SERINC5: variants seen among roughly 807,000 people sequenced by gnomAD.
SERINC5 encodes serine incorporator 5.
Under a neutral mutation model 63.1 loss-of-function variants are expected in SERINC5, and 41 were observed. The observed-to-expected ratio is 0.65, with a 90% CI of 0.51 to 0.84. SERINC5 has a LOEUF of 0.84. SERINC5 is among the 40% of genes least tolerant of loss of function. SERINC5 has a pLI of 0.00. For missense variants in SERINC5, 523 were observed against 573.0 expected, an observed-to-expected ratio of 0.91 and a Z score of 0.89; for synonymous variants, 222 against 215.2, an observed-to-expected ratio of 1.03 and a Z score of -0.28.
intron 1 of SERINC5, among the ~76,000 whole-genome samples, chr5:80,224,263 C>A (rs1751064249): frequency 6.6e-6 from 1 of 151,942 alleles, no homozygotes; most frequent in Admixed American, 6.6e-5. Context: ...GAGTTTGAGA[C>A]CACAGGAGTT....
rs1746967488 is a variant in SERINC5 at position 80,162,061 on chromosome 5, T to C, written c.860-3099A>G. 2.0e-5 allele frequency among the ~76,000 whole-genome samples: 3 copies of C among 152,350 alleles called. No individual in the cohort carries two copies. The South Asian group carries it at 6.2e-4, about 32-fold the overall frequency. On this transcript the variant is annotated intron_variant, in intron 7 of 11. Transcript: ENST00000507668. ...CTTCTGGGTTCTCTATGTGGTTCCA[T>C]GGATCTATTCTTATACAAATATCAT... is the stretch of plus-strand genomic sequence containing the variant.
At chr5:80,242,046 A>C (rs1751961863) in intron 1 of SERINC5, among the ~76,000 whole-genome samples, 1 of 152,084 alleles carries the variant, frequency 6.6e-6, no homozygotes, top group Non-Finnish European at 1.5e-5. Context: ...TAGGAGGATC[A>C]CTTGAGCCCA....
At chr5:80,248,358 G>A (rs533920767) in intron 1 of SERINC5, among the ~76,000 whole-genome samples, 56 of 152,160 alleles carry the variant, frequency 3.7e-4, no homozygotes, top group Non-Finnish European at 5.3e-4. Context: ...TGGCTCCTAA[G>A]TGACTAAGGG....
At chr5:80,135,483 C>CCCACATTCCTTG (rs1745129920), downstream of SERINC5, among the ~76,000 whole-genome samples, 1 of 152,144 alleles carries the variant, frequency 6.6e-6, no homozygotes, top group Admixed American at 6.5e-5. Context: ...TTATCTGCCT[C>CCCACATTCCTTG]CCACATTCCT....
rs552246864 is a variant in SERINC5, at chr5:80,131,357, T to C, written c.1238+14733A>G. Among the ~76,000 whole-genome samples, 3 of 152,324 alleles carry C rather than the reference T, an allele frequency of 2.0e-5. No homozygotes were observed. The South Asian group carries it at 6.2e-4, about 32-fold the overall frequency. On this transcript the variant is annotated intron_variant, in intron 11 of 12. Coordinates refer to the SERINC5 transcript ENST00000509193. ...TATGATTCTGAGGCCTCCCCAGCCA[T>C]GTGGAGCTGTGAATCAATTAAACCT...
At chr5:80,229,982 GT>G (rs1751366175) in intron 1 of SERINC5, among the ~76,000 whole-genome samples, 1 of 152,144 alleles carries the variant, frequency 6.6e-6, no homozygotes, top group Non-Finnish European at 1.5e-5. Context: ...TCTAAACCTA[GT>G]CACTCCAAAG....
In SERINC5 at chr5:80,142,957, G is replaced by T. The variant is rs1036293883; in HGVS notation, c.*706C>A. ...GTGATAATAAGGTGGGGAACCACCT[G>T]GGGGGTGATCAGACAAATTGTGCTT... On this transcript the variant is annotated 3_prime_UTR_variant, in exon 12 of 12. Coordinates refer to ENST00000507668, the MANE Select transcript of SERINC5 (RefSeq NM_001174072.3). 10 of 985,066 alleles carry T rather than the reference G, an allele frequency of 1.0e-5. No homozygotes were observed. The Middle Eastern group carries it at 1.5e-3, about 153-fold the overall frequency. The allele number at this position is 985,066 out of a possible 1,614,324, so 61.0% of individuals were successfully genotyped here.
At chr5:80,172,762 T>C (rs1348116283) in intron 5 of SERINC5, among the ~76,000 whole-genome samples, 1 of 152,184 alleles carries the variant, frequency 6.6e-6, no homozygotes, top group Admixed American at 6.5e-5. Flanking sequence ...GCATGAATTA[T>C]ACAGAAAAAG....
chr5:80,237,564 G>A lies in SERINC5; in HGVS notation c.27+18332C>T, dbSNP rs568203589. ...TGCCCAGGCTGGTATCGAATTCTTG[G>A]GCTCAAGTAATCCGCCCACCTCGGC... On this transcript the variant is annotated intron_variant, in intron 1 of 11. Coordinates refer to ENST00000507668, the MANE Select transcript of SERINC5 (RefSeq NM_001174072.3). Among the ~76,000 whole-genome samples the A allele has an allele frequency of 8.6e-5, 13 of 150,882 alleles. No individual in the cohort carries two copies. In the East Asian group the frequency reaches 2.6e-3, roughly 30 times the overall value.
intron 1 of SERINC5, among the ~76,000 whole-genome samples, chr5:80,215,766 G>T (rs556517046): frequency 6.6e-6 from 1 of 152,248 alleles, no homozygotes; most frequent in East Asian, 1.9e-4. Flanking sequence ...ACAGTCAAGG[G>T]TCAACTTAGT....
At chr5:80,213,425 T>G (rs1029794075) in intron 1 of SERINC5, among the ~76,000 whole-genome samples, 2 of 152,084 alleles carry the variant, frequency 1.3e-5, no homozygotes, top group East Asian at 3.8e-4. Flanking sequence ...CAGCTTAAGG[T>G]CACAGAGCCC....
intron 1 of SERINC5, among the ~76,000 whole-genome samples, chr5:80,245,436 T>C (rs562422059): frequency 3.2e-4 from 49 of 152,146 alleles, no homozygotes; most frequent in African/African-American, 1.1e-3. Flanking sequence ...AGATAAAAGG[T>C]GCAAAGCTGA....
chr5:80,160,038 G>C (rs1164036877), intron 7 of SERINC5, among the ~76,000 whole-genome samples: 1 of 152,188 alleles, frequency 6.6e-6, no homozygotes, highest in Admixed American at 6.5e-5. Flanking sequence ...GTAACTGTGG[G>C]AGCCCTAACA....
chr5:80,143,187 T>G lies in SERINC5; in HGVS notation c.*476A>C. 1 of 986,924 alleles carries G rather than the reference T, an allele frequency of 1.0e-6. No individual in the cohort carries two copies. Among genetic ancestry groups the G allele is most frequent in the Non-Finnish European group, 1.2e-6 (1 of 831,078 alleles). 61.1% of individuals were successfully genotyped at this position (986,924 alleles called of 1,614,324 possible). On this transcript the variant is annotated 3_prime_UTR_variant, in exon 12 of 12. Coordinates refer to ENST00000507668, the MANE Select transcript of SERINC5 (RefSeq NM_001174072.3). Reference sequence around the variant, plus strand: ...AATACCAGGGGCCCTGCAGGCTGAGTCCTGTCCTCAAAGCCCCCTGGGGAC... The same window carrying G: ...AATACCAGGGGCCCTGCAGGCTGAGGCCTGTCCTCAAAGCCCCCTGGGGAC...
intron 2 of SERINC5, among the ~76,000 whole-genome samples, chr5:80,180,292 T>C (rs1269695887): frequency 6.6e-6 from 1 of 152,154 alleles, no homozygotes; most frequent in Non-Finnish European, 1.5e-5. Flanking sequence ...TGAACACTCT[T>C]CTGAACAGAA....
chr5:80,246,474 T>G (rs1331603318), intron 1 of SERINC5, among the ~76,000 whole-genome samples: 1 of 152,230 alleles, frequency 6.6e-6, no homozygotes, highest in African/African-American at 2.4e-5. Context: ...ACTTTTGTTT[T>G]GACTACACAG....
intron 6 of SERINC5, among the ~76,000 whole-genome samples, chr5:80,168,520 C>T (rs1173235236): frequency 6.6e-6 from 1 of 152,044 alleles, no homozygotes; most frequent in Non-Finnish European, 1.5e-5. Flanking sequence ...CTTTTTAAAC[C>T]ACTATTTTAG....
chr5:80,219,841 C>T (rs1351470151), intron 1 of SERINC5, among the ~76,000 whole-genome samples: 1 of 150,698 alleles, frequency 6.6e-6, no homozygotes, highest in African/African-American at 2.4e-5. Context: ...CACCACCCGC[C>T]AACCTTTACC....
At chr5:80,132,082 C>T (rs967152859) in intron 11 of SERINC5, among the ~76,000 whole-genome samples, 2 of 152,136 alleles carry the variant, frequency 1.3e-5, no homozygotes, top group African/African-American at 4.8e-5. Context: ...GTTGAAGCCG[C>T]GGACACCAGA....
Sources: gnomAD v4.1 joint callset for allele counts (sites outside exome capture counted in the v4.1 genomes callset) on GRCh38, gnomAD v4.1.1 for gene constraint, MANE v1.5 for transcripts, NCBI Gene and HGNC (gene_info 2026-07-23, HGNC 2026-07-21) for gene names.